TPRG1: variants seen among roughly 807,000 people sequenced by gnomAD.
The protein encoded by TPRG1 is tumor protein p63 regulated 1.
A neutral mutation model predicts 29.3 loss-of-function variants in TPRG1; 29 were observed. That is an observed-to-expected ratio of 0.99 (90% CI 0.74 to 1.35). The LOEUF is 1.35. Among genes scored for constraint, TPRG1 ranks in the 40% most tolerant of loss-of-function variants. The probability of loss-of-function intolerance (pLI) is 0.00; values close to 1 mark genes in which losing one functional copy is unlikely to be tolerated. For synonymous variants in TPRG1, 130 were observed against 116.8 expected, an observed-to-expected ratio of 1.11 and a Z score of -0.73; for missense variants, 327 against 335.0, an observed-to-expected ratio of 0.98 and a Z score of 0.19.
At chr3:189,168,075 A>G (rs1728374303), upstream of TPRG1, among the ~76,000 whole-genome samples, 1 of 152,220 alleles carries the variant, frequency 6.6e-6, no homozygotes, top group African/African-American at 2.4e-5. Flanking sequence ...AATAAGAGTG[A>G]GATGCAGGGA....
chr3:189,139,568 G>A lies in TPRG1; in HGVS notation c.-291+6871G>A, dbSNP rs554496288. ...GTATTCATAATTTGACTAACAACTC[G>A]CGACAATGATTATTTTTCCTTTTCT... On this transcript the variant is annotated intron_variant, in intron 3 of 6. Coordinates refer to the TPRG1 transcript ENST00000412373. Among the ~76,000 whole-genome samples the A allele has an allele frequency of 3.9e-5, 6 of 152,046 alleles. No individual in the cohort carries two copies. The South Asian group carries it at 6.2e-4, about 16-fold the overall frequency.
At chr3:189,164,543 T>G (rs1578620668) in intron 5 of TPRG1, among the ~76,000 whole-genome samples, 1 of 152,262 alleles carries the variant, frequency 6.6e-6, no homozygotes. Context: ...CTTTGTTCAT[T>G]ATCTACTTTT....
At chr3:189,163,152 AAT>A (rs1365117016) in intron 5 of TPRG1, among the ~76,000 whole-genome samples, 4 of 152,162 alleles carry the variant, frequency 2.6e-5, no homozygotes, top group African/African-American at 9.7e-5. Context: ...AGGTGCCTGT[AAT>A]CCCAGCTACT....
rs906136016 is a variant in TPRG1, at chr3:189,024,602, C to T, written c.-463+656C>T. Among the ~76,000 whole-genome samples the T allele has an allele frequency of 7.9e-5, 12 of 152,252 alleles. 2 individuals are homozygous for T. The highest frequency in any genetic ancestry group is 6.5e-5 in the Admixed American group (1 of 15,300). The stretch of plus-strand genomic sequence containing the variant: ...TTCTTCCTTGTCCAGACGGTTTGGA[C>T]TCTCTAAAGCCTGCAGTCTGGAACA... On this transcript the variant is annotated intron_variant, in intron 4 of 10. Transcript: ENST00000433971.
At chr3:189,045,838 T>G (rs1341672912) in intron 4 of TPRG1, among the ~76,000 whole-genome samples, 1 of 152,218 alleles carries the variant, frequency 6.6e-6, no homozygotes, top group East Asian at 1.9e-4. Context: ...CGAGGAAGTC[T>G]GCCTGCTGCA....
intron 2 of TPRG1, chr3:189,001,059 C>T (rs1578176925): frequency 1.3e-5 from 2 of 152,030 alleles, no homozygotes; most frequent in East Asian, 1.9e-4. Context: ...TGTGTAAGTC[C>T]TCTAAATTAT....
chr3:189,215,296 G>C lies in TPRG1; in HGVS notation c.215G>C (p.Gly72Ala), dbSNP rs1485830696. 6.2e-7 allele frequency: 1 copy of C among 1,611,598 alleles called. No individual in the cohort carries two copies. Among genetic ancestry groups the C allele is most frequent in the African/African-American group, 1.3e-5 (1 of 74,720 alleles). The part of the protein sequence containing the change: ...ISRKYFATRP[G>A]AIETAMEDLK... ...TATTTTCTCCTTTCCACACAGCCGG[G>C]GGCCATTGAGACTGCCATGGAAGAC... The change falls in exon 3 of 6, where the codon GGG becomes GCG. Residue 72 changes from glycine to alanine, a missense_variant. By Grantham distance (60) the Gly-to-Ala change is moderately conservative. Coordinates refer to ENST00000345063, the MANE Select transcript of TPRG1 (RefSeq NM_198485.4).
intron 4 of TPRG1, among the ~76,000 whole-genome samples, chr3:189,297,073 T>C (rs1299718964): frequency 6.6e-6 from 1 of 152,040 alleles, no homozygotes; most frequent in Non-Finnish European, 1.5e-5. Flanking sequence ...CTCTGCCTCT[T>C]GGGTTCAAGT....
chr3:189,255,881 A>AT (rs774594239), intron 4 of TPRG1, among the ~76,000 whole-genome samples: 6 of 151,694 alleles, frequency 4.0e-5, no homozygotes, highest in East Asian at 3.9e-4. Context: ...CCCTTTTATC[A>AT]TTTTTTGTTT....
chr3:189,160,147 C>T (rs962411870), intron 5 of TPRG1, among the ~76,000 whole-genome samples: 1 of 152,104 alleles, frequency 6.6e-6, no homozygotes, highest in African/African-American at 2.4e-5. Flanking sequence ...TTAAGTATGT[C>T]AGCACCTCTG....
At chr3:189,169,896 C>A (rs1728606504), upstream of TPRG1, among the ~76,000 whole-genome samples, 2 of 152,172 alleles carry the variant, frequency 1.3e-5, no homozygotes, top group Admixed American at 6.5e-5. Context: ...TGTGGCATTA[C>A]TCCTACTGCT....
intron 1 of TPRG1, among the ~76,000 whole-genome samples, chr3:189,112,892 G>GT (rs949591421): frequency 3.3e-4 from 50 of 152,276 alleles, no homozygotes; most frequent in Admixed American, 1.5e-3. Context: ...CTTTAAAGTA[G>GT]TTTTTTCCAA....
intron 4 of TPRG1, among the ~76,000 whole-genome samples, chr3:189,025,385 C>T (rs1482432153): frequency 6.6e-6 from 1 of 152,170 alleles, no homozygotes; most frequent in Non-Finnish European, 1.5e-5. Context: ...TGCTTTTCTC[C>T]ATTTTCTCTG....
intron 5 of TPRG1, among the ~76,000 whole-genome samples, chr3:189,152,320 C>G (rs1247763792): frequency 6.6e-6 from 1 of 152,196 alleles, no homozygotes. Flanking sequence ...TTTGGCAACT[C>G]TTGGGCCATG....
At chr3:189,253,863 T>C (rs1021096870) in intron 4 of TPRG1, among the ~76,000 whole-genome samples, 1 of 152,192 alleles carries the variant, frequency 6.6e-6, no homozygotes, top group South Asian at 2.1e-4. Flanking sequence ...GAAAATGAGC[T>C]TTTTTTCATA....
chr3:189,270,220 T>C (rs1316813587), intron 4 of TPRG1, among the ~76,000 whole-genome samples: 1 of 152,088 alleles, frequency 6.6e-6, no homozygotes, highest in Non-Finnish European at 1.5e-5. Context: ...CAGGTGGTTT[T>C]ACAGAAATTA....
intron 3 of TPRG1, among the ~76,000 whole-genome samples, chr3:189,006,056 A>G (rs1190410638): frequency 2.0e-5 from 3 of 152,090 alleles, no homozygotes; most frequent in Non-Finnish European, 4.4e-5. Context: ...CTCTCAAAAT[A>G]ACCCTTCAAA....
At chr3:189,019,967 G>A (rs1363087770) in intron 3 of TPRG1, among the ~76,000 whole-genome samples, 1 of 151,458 alleles carries the variant, frequency 6.6e-6, no homozygotes, top group East Asian at 1.9e-4. Context: ...TTGGGAGTGT[G>A]TATGTGTCGA....
At chr3:189,288,220 T>TA (rs1362772285) in intron 4 of TPRG1, among the ~76,000 whole-genome samples, 2 of 152,090 alleles carry the variant, frequency 1.3e-5, no homozygotes, top group East Asian at 3.9e-4. Flanking sequence ...CTTCACTTTT[T>TA]AAAAAATGAA....
Sources: gnomAD v4.1 joint callset for allele counts (sites outside exome capture counted in the v4.1 genomes callset) on GRCh38, gnomAD v4.1.1 for gene constraint, MANE v1.5 for transcripts, NCBI Gene and HGNC (gene_info 2026-07-23, HGNC 2026-07-21) for gene names.